The following PTPRJ variants were observed in gnomAD, a reference collection of about 807,000 sequenced individuals.
PTPRJ encodes the protein protein tyrosine phosphatase receptor type J.
In PTPRJ, 129 loss-of-function variants were observed where a neutral mutation model predicts 141.3. The observed-to-expected ratio is 0.91, with a 90% CI of 0.79 to 1.06. The LOEUF is 1.06. Among genes scored for constraint, PTPRJ ranks in the 50% least tolerant of loss-of-function variants. The probability of loss-of-function intolerance (pLI) is 0.00; values close to 1 mark genes in which losing one functional copy is unlikely to be tolerated. For missense variants in PTPRJ, 1,601 were observed against 1,679.7 expected, an observed-to-expected ratio of 0.95 and a Z score of 0.82; for synonymous variants, 610 against 640.5, an observed-to-expected ratio of 0.95 and a Z score of 0.72.
rs781124579 is a variant in PTPRJ at position 48,130,452 on chromosome 11, T to G, written c.1358-7T>G. The G allele has an allele frequency of 3.4e-5, 55 of 1,600,716 alleles. No individual in the cohort carries two copies. Among genetic ancestry groups the G allele is most frequent in the Non-Finnish European group, 4.7e-5 (55 of 1,171,802 alleles). ...TTTTAATCTAGTTGTTTACTTTCTTTGCATAGCCCCTGTTCCAGTTTCTGA... is the reference window on the plus strand; with the variant it reads ...TTTTAATCTAGTTGTTTACTTTCTTGGCATAGCCCCTGTTCCAGTTTCTGA... On this transcript the variant is annotated splice_region_variant and splice_polypyrimidine_tract_variant and intron_variant, in intron 7 of 24. Transcript: ENST00000418331.
Position 47,980,694 on chromosome 11 carries a change from C to G in PTPRJ, c.-219C>G, listed in dbSNP as rs1266322766. 26 of 991,604 alleles carry G rather than the reference C, an allele frequency of 2.6e-5. No homozygotes were observed. Among genetic ancestry groups the G allele is most frequent in the Middle Eastern group, 5.1e-4 (1 of 1,972 alleles). 61.4% of individuals were successfully genotyped at this position (991,604 alleles called of 1,614,324 possible). ...TGCGCGCTCAGGGACGCGGCCCCCC[C>G]GCGGCAGCCGCGCTAGGCTCCGGCG... is the stretch of plus-strand genomic sequence containing the variant. On this transcript the variant is annotated 5_prime_UTR_variant, in exon 1 of 25. Transcript: ENST00000418331.
intron 1 of PTPRJ, among the ~76,000 whole-genome samples, chr11:48,029,679 T>G (rs551446429): frequency 1.3e-5 from 2 of 152,266 alleles, no homozygotes; most frequent in Admixed American, 6.5e-5. Context: ...AGGATTTCTT[T>G]AGCGGTCTTT....
At chr11:48,060,683 G>T (rs567403238) in intron 1 of PTPRJ, among the ~76,000 whole-genome samples, 1 of 152,326 alleles carries the variant, frequency 6.6e-6, no homozygotes, top group South Asian at 2.1e-4. Flanking sequence ...AGATTGATTA[G>T]GGGATCTGCT....
intron 24 of PTPRJ, among the ~76,000 whole-genome samples, chr11:48,165,528 T>C (rs895377786): frequency 7.9e-5 from 12 of 152,364 alleles, no homozygotes; most frequent in Admixed American, 7.2e-4. Flanking sequence ...ATATTAATTT[T>C]GTATCAGGCT....
At chr11:48,146,390 G>A (rs1205834421) in intron 14 of PTPRJ, among the ~76,000 whole-genome samples, 1 of 152,212 alleles carries the variant, frequency 6.6e-6, no homozygotes, top group Non-Finnish European at 1.5e-5. Context: ...GTTGGTGGTT[G>A]TTGGGCGCAG....
At chr11:48,051,084 CTTTTTTTTTT>C (rs59987198) in intron 1 of PTPRJ, among the ~76,000 whole-genome samples, 1,824 of 79,200 alleles carry the variant, frequency 0.023, 34 homozygotes, top group Admixed American at 0.054. Context: ...TAACTGATGA[CTTTTTTTTTT>C]TTTTTTTTTT....
intron 1 of PTPRJ, among the ~76,000 whole-genome samples, chr11:47,996,892 A>G (rs1854351779): frequency 6.6e-6 from 1 of 152,250 alleles, no homozygotes; most frequent in African/African-American, 2.4e-5. Flanking sequence ...GGTAAGACTC[A>G]GACCCTCAGC....
chr11:48,020,008 G>A (rs1285259790), intron 1 of PTPRJ, among the ~76,000 whole-genome samples: 1 of 152,180 alleles, frequency 6.6e-6, no homozygotes, highest in Middle Eastern at 3.2e-3. Context: ...TTCGTCCTGT[G>A]GCCTTCAAAA....
chr11:48,128,878 T>G (rs891706663), intron 7 of PTPRJ, among the ~76,000 whole-genome samples: 1 of 152,222 alleles, frequency 6.6e-6, no homozygotes, highest in Admixed American at 6.5e-5. Context: ...TTAGCATTCT[T>G]ATAGATGTAT....
At chr11:48,068,274 T>C (rs1487828482) in intron 1 of PTPRJ, among the ~76,000 whole-genome samples, 1 of 152,162 alleles carries the variant, frequency 6.6e-6, no homozygotes, top group East Asian at 1.9e-4. Context: ...TGAAAAGACA[T>C]TGCTATGGTT....
At chr11:48,073,593 C>A (rs1040270347) in intron 1 of PTPRJ, among the ~76,000 whole-genome samples, 3 of 152,032 alleles carry the variant, frequency 2.0e-5, no homozygotes, top group African/African-American at 7.3e-5. Context: ...TCAACTGTAA[C>A]TTGAAAATTT....
At chr11:48,101,791 G>A (rs1856156854) in intron 1 of PTPRJ, among the ~76,000 whole-genome samples, 1 of 152,198 alleles carries the variant, frequency 6.6e-6, no homozygotes, top group South Asian at 2.1e-4. Flanking sequence ...TAGGATTAAT[G>A]GAGTGGTTTC....
intron 1 of PTPRJ, among the ~76,000 whole-genome samples, chr11:48,109,711 G>C (rs1227926093): frequency 7.0e-6 from 1 of 143,866 alleles, no homozygotes; most frequent in East Asian, 2.1e-4. Context: ...GTGTCCTTCT[G>C]CTTCAGCTCA....
At chr11:48,083,760 G>C (rs1460958700) in intron 1 of PTPRJ, among the ~76,000 whole-genome samples, 5 of 152,200 alleles carry the variant, frequency 3.3e-5, no homozygotes, top group African/African-American at 1.2e-4. Flanking sequence ...TTTGTGGAAT[G>C]AATGAATGAA....
intron 10 of PTPRJ, 115 bp from the exon 11 acceptor site, chr11:48,139,371 C>A: frequency 8.6e-7 from 1 of 1,162,552 alleles, no homozygotes. Flanking sequence ...GCCCCTGCCT[C>A]TTCCACCACA....
intron 3 of PTPRJ, among the ~76,000 whole-genome samples, chr11:48,120,561 G>A (rs1483228691): frequency 6.6e-6 from 1 of 152,044 alleles, no homozygotes; most frequent in Non-Finnish European, 1.5e-5. Flanking sequence ...GAGTAGCTAG[G>A]ATTACAGGTG....
Position 48,168,581 on chromosome 11 carries a change from T to TATATATAC in PTPRJ, c.*1220_*1221insTATATACA, listed in dbSNP as rs1565338067. On this transcript the variant is annotated 3_prime_UTR_variant, in exon 25 of 25. Transcript: ENST00000418331. ...ATATATATATATATATATATATATATACACTAAGCTCTCAAAAACAGTCAT... is the reference window on the plus strand; with the variant it reads ...ATATATATATATATATATATATATATATATATACACACTAAGCTCTCAAAAACAGTCAT... The TATATATAC allele has an allele frequency of 3.4e-5, 4 of 117,576 alleles. No individual in the cohort carries two copies. Among genetic ancestry groups the TATATATAC allele is most frequent in the East Asian group, 5.5e-4 (2 of 3,666 alleles). The allele number at this position is 117,576 out of a possible 1,614,324, so 7.3% of individuals were successfully genotyped here.
At chr11:48,157,531 C>T (rs1467904701) in intron 21 of PTPRJ, among the ~76,000 whole-genome samples, 4 of 152,182 alleles carry the variant, frequency 2.6e-5, no homozygotes, top group Admixed American at 1.3e-4. Context: ...GTTTCTAATT[C>T]GGAATTGCGT....
At chr11:48,042,867 T>C (rs981167739) in intron 1 of PTPRJ, among the ~76,000 whole-genome samples, 3 of 151,878 alleles carry the variant, frequency 2.0e-5, no homozygotes, top group African/African-American at 7.3e-5. Flanking sequence ...ATTAGGAAGC[T>C]GTTGTGCAGA....
Sources: allele counts gnomAD v4.1 joint callset (sites outside exome capture counted in the v4.1 genomes callset), GRCh38; gene constraint gnomAD v4.1.1; transcripts MANE v1.5; gene names NCBI Gene and HGNC (gene_info 2026-07-23, HGNC 2026-07-21).